Variants in TRERF1 observed in about 807,000 individuals in gnomAD.
TRERF1 encodes transcriptional-regulating factor 1.
TRERF1 carries 27 observed loss-of-function variants against 122.9 expected under a neutral mutation model. The observed-to-expected ratio is 0.22, with a 90% CI of 0.16 to 0.30. TRERF1 has a LOEUF of 0.30. Ranked by LOEUF, TRERF1 falls within the 10% of genes least tolerant of loss-of-function variation. TRERF1 has a pLI of 1.00. For missense variants in TRERF1, 1,248 were observed against 1,560.3 expected (o/e 0.80, Z 3.37); for synonymous variants, 636 against 641.7 (o/e 0.99, Z 0.13).
rs544238210 is a variant in TRERF1 at position 42,297,646 on chromosome 6, G to T, written c.-259+2992C>A. 2.8e-3 allele frequency among the ~76,000 whole-genome samples: 424 copies of T among 152,316 alleles called. 2 individuals carry two copies. Among genetic ancestry groups the T allele is most frequent in the African/African-American group, 9.8e-3 (407 of 41,570 alleles). On this transcript the variant is annotated intron_variant, in intron 4 of 17. Coordinates refer to ENST00000372922, the Ensembl canonical transcript of TRERF1. ...GTAACCATAGCTGGACTTCACACAG[G>T]TTTGTAGCCTGAATTATATTACTTG...
At chr6:42,352,378 C>A (rs913345732) in intron 3 of TRERF1, among the ~76,000 whole-genome samples, 2 of 152,158 alleles carry the variant, frequency 1.3e-5, no homozygotes, top group Non-Finnish European at 2.9e-5. Flanking sequence ...GGAAAACAAC[C>A]AAATTTTATC....
chr6:42,241,191 T>C (rs1453729278), intron 15 of TRERF1, among the ~76,000 whole-genome samples: 2 of 152,026 alleles, frequency 1.3e-5, no homozygotes, highest in Non-Finnish European at 2.9e-5. Flanking sequence ...GGTGATCACA[T>C]GTTTTTTAAA....
intron 7 of TRERF1, among the ~76,000 whole-genome samples, chr6:42,264,357 G>A (rs1048176292): frequency 2.6e-5 from 4 of 152,246 alleles, no homozygotes; most frequent in Admixed American, 2.6e-4. Context: ...AATCTGGAAG[G>A]CCCCAGTGGG....
intron 2 of TRERF1, among the ~76,000 whole-genome samples, chr6:42,443,805 G>C (rs1786971620): frequency 6.6e-6 from 1 of 152,168 alleles, no homozygotes; most frequent in East Asian, 1.9e-4. Context: ...AGTGGGAGTG[G>C]ACAAGGGAAA....
rs74485630 is a variant in TRERF1 at position 42,276,358 on chromosome 6, C to T, written c.-258-6510G>A. On this transcript the variant is annotated intron_variant, in intron 4 of 17. Transcript: ENST00000372922. The surrounding 1 kb of genome is among the most constrained non-coding windows in gnomAD (Gnocchi z 4.3). ...CATTGCTTGTTTGAGGAAGAAAAACCAAAAAGATTTTCCTTTTTCTGACCC... is the reference window on the plus strand; with the variant it reads ...CATTGCTTGTTTGAGGAAGAAAAACTAAAAAGATTTTCCTTTTTCTGACCC... 2.0e-3 allele frequency among the ~76,000 whole-genome samples: 297 copies of T among 152,300 alleles called. 1 individual carries two copies. The highest frequency in any genetic ancestry group is 5.9e-3 in the African/African-American group (245 of 41,542).
rs767562254 is a variant in TRERF1, at chr6:42,269,192, C to T, written c.399G>A (p.Gln133=). The stretch of plus-strand genomic sequence containing the variant: ...TGTGTAAGACACCGCTGGTAAGCTT[C>T]TGGGTCCGGATCTCGCTGGCCTGGG... The change falls in exon 5 of 18, where the codon CAG becomes CAA. Residue 133 remains glutamine, a synonymous_variant. Coordinates refer to ENST00000372922, the Ensembl canonical transcript of TRERF1. This position sits in a 1 kb window ranked among gnomAD's most constrained non-coding sequence, Gnocchi z 4.9. The T allele has an allele frequency of 2.5e-5, 40 of 1,614,108 alleles. 1 individual carries two copies. Among genetic ancestry groups the T allele is most frequent in the Non-Finnish European group, 3.4e-5 (40 of 1,180,052 alleles).
chr6:42,248,761 G>C (rs548004423), intron 13 of TRERF1, among the ~76,000 whole-genome samples: 7 of 152,292 alleles, frequency 4.6e-5, no homozygotes, highest in African/African-American at 1.7e-4. Context: ...TGACCGTGCA[G>C]ACCACAGTAA....
At chr6:42,302,998 A>G (rs1169351830) in intron 3 of TRERF1, among the ~76,000 whole-genome samples, 3 of 152,258 alleles carry the variant, frequency 2.0e-5, no homozygotes, top group Non-Finnish European at 4.4e-5. Context: ...TTCTAAAGAC[A>G]GGTTCTTCTT....
At chr6:42,366,755 C>A (rs1772811843) in intron 2 of TRERF1, among the ~76,000 whole-genome samples, 1 of 152,124 alleles carries the variant, frequency 6.6e-6, no homozygotes, top group South Asian at 2.1e-4. Context: ...TGGACTGATC[C>A]ACTTCGATCA....
chr6:42,345,799 G>T (rs1768161615), intron 3 of TRERF1, among the ~76,000 whole-genome samples: 1 of 152,166 alleles, frequency 6.6e-6, no homozygotes, highest in African/African-American at 2.4e-5. Context: ...CTTGATTCCT[G>T]CCCTCCTTCT....
intron 13 of TRERF1, among the ~76,000 whole-genome samples, chr6:42,249,263 A>C (rs951171651): frequency 1.3e-5 from 2 of 152,142 alleles, no homozygotes; most frequent in Non-Finnish European, 2.9e-5. Context: ...CAGTTTCCTA[A>C]GTTAGAGTGC....
Position 42,228,197 on chromosome 6 carries a change from A to C in TRERF1, c.*148T>G. 1 of 688,662 alleles carries C rather than the reference A, an allele frequency of 1.5e-6. No individual in the cohort carries two copies. Among genetic ancestry groups the C allele is most frequent in the Admixed American group, 3.8e-5 (1 of 26,146 alleles). The allele number at this position is 688,662 out of a possible 1,614,324, so 42.7% of individuals were successfully genotyped here. On this transcript the variant is annotated 3_prime_UTR_variant, in exon 18 of 18. Coordinates refer to ENST00000372922, the Ensembl canonical transcript of TRERF1. The surrounding 1 kb of genome is among the most constrained non-coding windows in gnomAD (Gnocchi z 4.2). The stretch of plus-strand genomic sequence containing the variant: ...TTTTTTAAATAAAAGGAAAAGAAAT[A>C]GGATTTTTTTTTCTAAACCTGAATA...
chr6:42,376,727 G>A (rs1262396690), intron 2 of TRERF1, among the ~76,000 whole-genome samples: 1 of 151,182 alleles, frequency 6.6e-6, no homozygotes, highest in Admixed American at 6.6e-5. Flanking sequence ...ATTTTTAGTA[G>A]AGACGGGGTT....
chr6:42,262,949 C>G (rs1267516233), intron 8 of TRERF1, among the ~76,000 whole-genome samples: 2 of 152,168 alleles, frequency 1.3e-5, no homozygotes, highest in African/African-American at 4.8e-5. Context: ...TGCTTACTTT[C>G]TGGGATACAG....
chr6:42,446,292 A>G (rs1452570564), intron 2 of TRERF1, among the ~76,000 whole-genome samples: 1 of 152,196 alleles, frequency 6.6e-6, no homozygotes, highest in Admixed American at 6.5e-5. Flanking sequence ...AGTCCTGCAC[A>G]ATCATCTCAT....
intron 8 of TRERF1, among the ~76,000 whole-genome samples, chr6:42,262,410 C>A (rs145609594): frequency 7.2e-6 from 1 of 138,206 alleles, no homozygotes; most frequent in Admixed American, 7.7e-5. Flanking sequence ...TTGCCAACCA[C>A]ACAGGTCACA....
chr6:42,383,115 G>GGGT (rs1228022248), intron 2 of TRERF1, among the ~76,000 whole-genome samples: 1 of 152,128 alleles, frequency 6.6e-6, no homozygotes. Flanking sequence ...CAGCTACTAG[G>GGGT]GAGACTGAGG....
At chr6:42,436,077 GATA>G (rs1785303972) in intron 2 of TRERF1, among the ~76,000 whole-genome samples, 1 of 151,886 alleles carries the variant, frequency 6.6e-6, no homozygotes, top group Non-Finnish European at 1.5e-5. Flanking sequence ...CATATGAAAG[GATA>G]ATAAGCGTCT....
At chr6:42,391,236 G>C (rs890816593) in intron 2 of TRERF1, among the ~76,000 whole-genome samples, 7 of 152,174 alleles carry the variant, frequency 4.6e-5, no homozygotes, top group Non-Finnish European at 8.8e-5. Context: ...AGCTACACTG[G>C]ACTGCAATGC....
Sources: gnomAD v4.1 joint callset for allele counts (sites outside exome capture counted in the v4.1 genomes callset) on GRCh38, gnomAD v4.1.1 for gene constraint, Gnocchi (gnomAD v3.1) non-coding constraint, MANE v1.5 for transcripts, NCBI Gene and HGNC (gene_info 2026-07-23, HGNC 2026-07-21) for gene names.